Variants in FAF2 observed in about 807,000 individuals in gnomAD.
FAF2 encodes the protein Fas associated factor family member 2.
A neutral mutation model predicts 62.3 loss-of-function variants in FAF2; 9 were observed. That is an observed-to-expected ratio of 0.14 (90% CI 0.09 to 0.25). The LOEUF is 0.25. FAF2 is among the 10% of genes least tolerant of loss of function. The probability of loss-of-function intolerance (pLI) is 1.00; values close to 1 mark genes in which losing one functional copy is unlikely to be tolerated. For missense variants in FAF2, 368 were observed against 556.2 expected, an observed-to-expected ratio of 0.66 and a Z score of 3.40; for synonymous variants, 202 against 198.0, an observed-to-expected ratio of 1.02 and a Z score of -0.17.
chr5:176,506,968 C>G lies in FAF2; in HGVS notation c.*18C>G, dbSNP rs774081029. 13 of 1,432,672 alleles carry G rather than the reference C, an allele frequency of 9.1e-6. No individual in the cohort carries two copies. The highest frequency in any genetic ancestry group is 1.2e-5 in the Non-Finnish European group (13 of 1,080,612). 88.7% of individuals were successfully genotyped at this position (1,432,672 alleles called of 1,614,324 possible). A position where few individuals can be genotyped will look rare whatever the true frequency, so the allele number is the denominator to read the frequency against. On this transcript the variant is annotated 3_prime_UTR_variant, in exon 11 of 11. Transcript: ENST00000261942. ...ACGAATGACATTTTTTTCTTCCTGT[C>G]CCCTCCTACCCCAGTCCCTAAAAGA... is the stretch of plus-strand genomic sequence containing the variant.
intron 1 of FAF2, among the ~76,000 whole-genome samples, chr5:176,458,468 GGCTCGATCTC>G (rs1409626129): frequency 1.6e-5 from 2 of 122,430 alleles, no homozygotes; most frequent in Non-Finnish European, 3.2e-5. Context: ...GGAGTGCGGT[GGCTCGATCTC>G]GGCTCACTGC....
Position 176,451,811 on chromosome 5 carries a change from CACACAT to C in FAF2, c.63+3343_63+3348del, listed in dbSNP as rs1230527199. 6.5e-4 allele frequency among the ~76,000 whole-genome samples: 13 copies of C among 20,018 alleles called. 3 individuals are homozygous for C. Among genetic ancestry groups the C allele is most frequent in the Non-Finnish European group, 9.0e-4 (10 of 11,062 alleles). 13.1% of individuals were successfully genotyped at this position (20,018 alleles called of 152,430 possible). A position where few individuals can be genotyped will look rare whatever the true frequency, so the allele number is the denominator to read the frequency against. On this transcript the variant is annotated intron_variant, in intron 1 of 10. Coordinates refer to ENST00000261942, the MANE Select transcript of FAF2 (RefSeq NM_014613.3). Reference sequence around the variant, plus strand: ...GTATATATATATACATATATATATACACACATATATATATATACATATATATATATA... The same window carrying C: ...GTATATATATATACATATATATATACATATATATATACATATATATATATA...
intron 1 of FAF2, among the ~76,000 whole-genome samples, chr5:176,478,367 T>C (rs976604438): frequency 6.6e-6 from 1 of 152,070 alleles, no homozygotes; most frequent in African/African-American, 2.4e-5. Flanking sequence ...CAGTGCCAGC[T>C]ACTCAGGAGG....
chr5:176,463,258 A>G (rs1758411742), intron 1 of FAF2, among the ~76,000 whole-genome samples: 1 of 151,920 alleles, frequency 6.6e-6, no homozygotes. Flanking sequence ...TTAGCCAGGC[A>G]TGGTGGCAGA....
chr5:176,480,074 A>G (rs1167983945), intron 2 of FAF2, among the ~76,000 whole-genome samples: 2 of 152,188 alleles, frequency 1.3e-5, no homozygotes. Context: ...GCTCCCTAAG[A>G]GCAGAGATTT....
chr5:176,490,310 CA>C (rs34742727), intron 4 of FAF2, among the ~76,000 whole-genome samples: 137 of 114,258 alleles, frequency 1.2e-3, no homozygotes, highest in Admixed American at 1.2e-3. Context: ...GACTCCGTCT[CA>C]AAAAAAAAAA....
chr5:176,498,220 C>T (rs77919200), intron 8 of FAF2, among the ~76,000 whole-genome samples: 12,508 of 152,184 alleles, frequency 0.082, 854 homozygotes, highest in East Asian at 0.28. Flanking sequence ...GGAAACTTTC[C>T]GAGGTAACTG....
intron 1 of FAF2, among the ~76,000 whole-genome samples, chr5:176,455,374 AG>A (rs1279535295): frequency 6.6e-6 from 1 of 152,130 alleles, no homozygotes; most frequent in Non-Finnish European, 1.5e-5. Flanking sequence ...ACCTTAGCCT[AG>A]GAGGTGAAGG....
At chr5:176,485,371 T>C (rs1476754811) in intron 2 of FAF2, among the ~76,000 whole-genome samples, 1 of 152,182 alleles carries the variant, frequency 6.6e-6, no homozygotes, top group Non-Finnish European at 1.5e-5. Context: ...CTAAACCACA[T>C]GGTTGGTCTT....
intron 2 of FAF2, among the ~76,000 whole-genome samples, chr5:176,482,766 T>A (rs1758804546): frequency 1.3e-5 from 2 of 152,244 alleles, no homozygotes; most frequent in African/African-American, 4.8e-5. Context: ...TTCTCCCAGC[T>A]TGTCTTCCCA....
In FAF2 at chr5:176,448,589, C is replaced by T. The variant is rs1001166342; in HGVS notation, c.63+119C>T. 15 of 1,031,864 alleles carry T rather than the reference C, an allele frequency of 1.5e-5. No individual in the cohort carries two copies. In the African/African-American group the frequency reaches 2.0e-4, roughly 13 times the overall value. The allele number at this position is 1,031,864 out of a possible 1,614,324, so 63.9% of individuals were successfully genotyped here. A position where few individuals can be genotyped will look rare whatever the true frequency, so the allele number is the denominator to read the frequency against. On this transcript the variant is annotated intron_variant, in intron 1 of 10. Coordinates refer to ENST00000261942, the MANE Select transcript of FAF2 (RefSeq NM_014613.3). ...CCTTCTCAGACCAGCAGGCCGGCCCCCTCCCCCCCAGACTCCAACTGCCCT... is the reference window on the plus strand; with the variant it reads ...CCTTCTCAGACCAGCAGGCCGGCCCTCTCCCCCCCAGACTCCAACTGCCCT...
intron 1 of FAF2, among the ~76,000 whole-genome samples, chr5:176,453,987 C>T (rs903559317): frequency 4.6e-5 from 7 of 151,110 alleles, no homozygotes; most frequent in East Asian, 3.9e-4. Context: ...ACCCAGGAGG[C>T]GAAGGTTGCA....
intron 1 of FAF2, among the ~76,000 whole-genome samples, chr5:176,461,412 A>ATGGG (rs887434684): frequency 3.6e-5 from 5 of 140,192 alleles, no homozygotes; most frequent in African/African-American, 5.3e-5. Flanking sequence ...TCAGAGTCCC[A>ATGGG]GCTCAAGTGA....
intron 1 of FAF2, among the ~76,000 whole-genome samples, chr5:176,473,756 G>A (rs771427625): frequency 6.6e-6 from 1 of 152,086 alleles, no homozygotes; most frequent in Non-Finnish European, 1.5e-5. Context: ...ATCTTTTTCA[G>A]TTGACTCCTC....
intron 1 of FAF2, among the ~76,000 whole-genome samples, chr5:176,454,577 G>GAAAAAAAAAAAAAAAAAAAAA (rs56324116): frequency 1.0e-5 from 1 of 95,326 alleles, no homozygotes; most frequent in African/African-American, 4.3e-5. Context: ...GATTCTGTCT[G>GAAAAAAAAAAAAAAAAAAAAA]AAAAAAAAAA....
At chr5:176,477,315 G>A (rs1158309132) in intron 1 of FAF2, among the ~76,000 whole-genome samples, 3 of 134,086 alleles carry the variant, frequency 2.2e-5, no homozygotes, top group Non-Finnish European at 3.1e-5. Context: ...TCTAACTCCT[G>A]ACCTCATGTG....
Position 176,494,661 on chromosome 5 carries a change from T to C in FAF2, c.661+386T>C, listed in dbSNP as rs1759033386. 6.6e-6 allele frequency among the ~76,000 whole-genome samples: 1 copy of C among 152,186 alleles called. No homozygotes were observed. Among genetic ancestry groups the C allele is most frequent in the Admixed American group, 6.5e-5 (1 of 15,280 alleles). On this transcript the variant is annotated intron_variant, in intron 7 of 10. Coordinates refer to ENST00000261942, the MANE Select transcript of FAF2 (RefSeq NM_014613.3). The surrounding 1 kb of genome is among the most constrained non-coding windows in gnomAD (Gnocchi z 4.0). ...CCTCCACCTCCTGGGTTCAAGCGAT[T>C]GTCCTGCCTCAGCCTCCTGAGTAGC...
intron 10 of FAF2, 123 bp downstream of exon 10, chr5:176,500,269 G>T: frequency 1.1e-6 from 1 of 938,142 alleles, no homozygotes; most frequent in Non-Finnish European, 1.6e-6. Flanking sequence ...AACAGAGAGA[G>T]AGAGAGAGAG....
chr5:176,464,471 T>C (rs928341519), intron 1 of FAF2, among the ~76,000 whole-genome samples: 4 of 149,224 alleles, frequency 2.7e-5, no homozygotes, highest in African/African-American at 9.8e-5. Flanking sequence ...CCATTTCTGG[T>C]GTTTCCAAGC....
Sources: allele counts gnomAD v4.1 joint callset (sites outside exome capture counted in the v4.1 genomes callset), GRCh38; gene constraint gnomAD v4.1.1; non-coding constraint Gnocchi (gnomAD v3.1); transcripts MANE v1.5; gene names NCBI Gene and HGNC (gene_info 2026-07-23, HGNC 2026-07-21).